SPC25: variants seen among roughly 807,000 people sequenced by gnomAD.
SPC25 encodes SPC25 component of NDC80 kinetochore complex.
SPC25 carries 22 observed loss-of-function variants against 29.6 expected under a neutral mutation model. The ratio of observed to expected loss-of-function variants is 0.74; its 90% confidence interval spans 0.53 to 1.06. The LOEUF is 1.06. SPC25 is among the 50% of genes least tolerant of loss of function. The probability of loss-of-function intolerance (pLI) is 0.00; values close to 1 mark genes in which losing one functional copy is unlikely to be tolerated. For synonymous variants in SPC25, 91 were observed against 90.4 expected, an observed-to-expected ratio of 1.01 and a Z score of -0.04; for missense variants, 230 against 255.8, an observed-to-expected ratio of 0.90 and a Z score of 0.69.
At chr2:168,880,217 T>C (rs747463340) in intron 3 of SPC25, among the ~76,000 whole-genome samples, 2 of 152,230 alleles carry the variant, frequency 1.3e-5, no homozygotes, top group South Asian at 2.1e-4. Context: ...CTTCTTCCAA[T>C]AGAAAACTGC....
At chr2:168,863,105 T>TATC (rs1450679791) in intron 4 of SPC25, among the ~76,000 whole-genome samples, 3 of 152,324 alleles carry the variant, frequency 2.0e-5, no homozygotes, top group African/African-American at 7.2e-5. Context: ...ATAAATTGAT[T>TATC]ATCTTGTTTT....
chr2:168,873,832 ATATAT>A (rs1329545120), intron 5 of SPC25, 149 bp from the exon 6 acceptor site: 3 of 467,608 alleles, frequency 6.4e-6, no homozygotes, highest in African/African-American at 5.8e-5. Flanking sequence ...TCGTTTTAAA[ATATAT>A]TATAGTTTCA....
chr2:168,874,752 A>C (rs1468149355), intron 5 of SPC25, among the ~76,000 whole-genome samples: 1 of 152,118 alleles, frequency 6.6e-6, no homozygotes, highest in South Asian at 2.1e-4. Flanking sequence ...CTGGTAGACA[A>C]CACTTCACGT....
chr2:168,875,438 T>G (rs1020951504), intron 5 of SPC25, among the ~76,000 whole-genome samples: 19 of 152,202 alleles, frequency 1.2e-4, no homozygotes, highest in Admixed American at 1.3e-4. Context: ...ATAAAGTTTA[T>G]GTTGTAAATT....
chr2:168,869,505 A>T (rs1689937818), downstream of SPC25, among the ~76,000 whole-genome samples: 1 of 152,276 alleles, frequency 6.6e-6, no homozygotes, highest in South Asian at 2.1e-4. Context: ...CAACTTCAGC[A>T]AACTCTCAGG....
At chr2:168,884,808 T>C (rs1392856330) in intron 3 of SPC25, 1 of 145,038 alleles carries the variant, frequency 6.9e-6, no homozygotes, top group African/African-American at 2.5e-5. Flanking sequence ...GGGACTGCAA[T>C]ATCAGAAAAG....
chr2:168,876,187 A>G lies in SPC25; in HGVS notation c.347-11T>C. 1 of 1,502,158 alleles carries G rather than the reference A, an allele frequency of 6.7e-7. No homozygotes were observed. The highest frequency in any genetic ancestry group is 1.3e-5 in the South Asian group (1 of 75,692). The allele number at this position is 1,502,158 out of a possible 1,614,324, so 93.1% of individuals were successfully genotyped here. A position where few individuals can be genotyped will look rare whatever the true frequency, so the allele number is the denominator to read the frequency against. On this transcript the variant is annotated splice_polypyrimidine_tract_variant and intron_variant, in intron 4 of 6. Transcript: ENST00000282074. The stretch of plus-strand genomic sequence containing the variant: ...TAGCAGTAGAAATAGCTGATTAAAA[A>G]ACACACACAATATTAAATGTTTTAA...
Position 168,865,782 on chromosome 2 carries a change from C to CA in SPC25, n.419+7802dup, listed in dbSNP as rs776231484. Among the ~76,000 whole-genome samples the CA allele has an allele frequency of 3.7e-3, 527 of 144,366 alleles. 4 individuals carry two copies. Among genetic ancestry groups the CA allele is most frequent in the Non-Finnish European group, 3.7e-3 (236 of 64,412 alleles). The allele number at this position is 144,366 out of a possible 152,430, so 94.7% of individuals were successfully genotyped here. A position where few individuals can be genotyped will look rare whatever the true frequency, so the allele number is the denominator to read the frequency against. ...GCAACTTCAGCAAAGTCTCAAGATA[C>CA]AAAATCAATGTGCAAACATCACAAG... On this transcript the variant is annotated intron_variant and non_coding_transcript_variant, in intron 4 of 4. Coordinates refer to the SPC25 transcript ENST00000479309.
downstream of SPC25, among the ~76,000 whole-genome samples, chr2:168,867,101 T>C (rs1457473585): frequency 6.6e-6 from 1 of 152,122 alleles, no homozygotes; most frequent in Non-Finnish European, 1.5e-5. Context: ...GAAATACCAT[T>C]TGACCCAGCC....
chr2:168,887,325 G>A (rs1269649534), intron 3 of SPC25, among the ~76,000 whole-genome samples: 3 of 151,870 alleles, frequency 2.0e-5, no homozygotes, highest in African/African-American at 4.8e-5. Context: ...GGGAGGCTGA[G>A]GCAGGAGAAT....
At chr2:168,869,070 G>A (rs1183614469), downstream of SPC25, among the ~76,000 whole-genome samples, 10 of 152,096 alleles carry the variant, frequency 6.6e-5, no homozygotes, top group East Asian at 9.6e-4. Flanking sequence ...ATCAATAAAC[G>A]TAATCCAGCA....
rs57434161 is a variant in SPC25, at chr2:168,873,823, C to T, written c.452-140G>A. On this transcript the variant is annotated intron_variant, in intron 5 of 6. Coordinates refer to ENST00000282074, the MANE Select transcript of SPC25 (RefSeq NM_020675.4). ...TTTCCAAATGCAGAAGTTACAAATTCGTTTTAAAATATATTATAGTTTCAA... is the reference window on the plus strand; with the variant it reads ...TTTCCAAATGCAGAAGTTACAAATTTGTTTTAAAATATATTATAGTTTCAA... The T allele has an allele frequency of 9.6e-3, 4,499 of 470,458 alleles. 143 individuals are homozygous for T. The highest frequency in any genetic ancestry group is 0.076 in the African/African-American group (3,909 of 51,612). The allele number at this position is 470,458 out of a possible 1,614,324, so 29.1% of individuals were successfully genotyped here. A position where few individuals can be genotyped will look rare whatever the true frequency, so the allele number is the denominator to read the frequency against.
At chr2:168,867,206 C>T (rs1303268404), downstream of SPC25, among the ~76,000 whole-genome samples, 1 of 152,056 alleles carries the variant, frequency 6.6e-6, no homozygotes, top group Non-Finnish European at 1.5e-5. Flanking sequence ...TTCACAATAG[C>T]AAAGACTTGG....
chr2:168,865,132 C>G, intron 4 of SPC25: 4 of 757,912 alleles, frequency 5.3e-6, no homozygotes, highest in Non-Finnish European at 8.2e-6. Flanking sequence ...TAGCTTGAAA[C>G]AGTCAGAAAA....
At chr2:168,873,545 C>G (rs370133419) in intron 6 of SPC25, 40 bp downstream of exon 6, 28 of 1,402,592 alleles carry the variant, frequency 2.0e-5, no homozygotes, top group Non-Finnish European at 2.6e-5. Flanking sequence ...CATTTTGGAA[C>G]GCCAATCTTA....
chr2:168,874,718 C>T (rs1690056843), intron 5 of SPC25, among the ~76,000 whole-genome samples: 1 of 152,068 alleles, frequency 6.6e-6, no homozygotes, highest in Admixed American at 6.6e-5. Context: ...CAGGCATAAG[C>T]GTCCAGAACC....
chr2:168,868,518 G>C (rs1369024023), downstream of SPC25, among the ~76,000 whole-genome samples: 5 of 152,068 alleles, frequency 3.3e-5, no homozygotes, highest in Non-Finnish European at 7.4e-5. Flanking sequence ...AAATGATAAA[G>C]GGGATATCAC....
chr2:168,878,809 TTTTGCTATTC>T (rs2105828334), intron 3 of SPC25, among the ~76,000 whole-genome samples: 1 of 152,338 alleles, frequency 6.6e-6, no homozygotes, highest in South Asian at 2.1e-4. Flanking sequence ...TTTTATTAGT[TTTTGCTATTC>T]TGTGCTATTT....
chr2:168,864,204 GTAATCTGCC>G (rs1334487162), intron 4 of SPC25, among the ~76,000 whole-genome samples: 4 of 151,834 alleles, frequency 2.6e-5, no homozygotes, highest in Admixed American at 2.0e-4. Context: ...TTGACCTCAA[GTAATCTGCC>G]TAATCTGCCC....
Sources: gnomAD v4.1 joint callset for allele counts (sites outside exome capture counted in the v4.1 genomes callset) on GRCh38, gnomAD v4.1.1 for gene constraint, MANE v1.5 for transcripts, NCBI Gene and HGNC (gene_info 2026-07-23, HGNC 2026-07-21) for gene names.